NPAS3: variants seen among roughly 807,000 people sequenced by gnomAD.
The protein encoded by NPAS3 is neuronal PAS domain-containing protein 3.
NPAS3 carries 14 observed loss-of-function variants against 73.1 expected under a neutral mutation model. The ratio of observed to expected loss-of-function variants is 0.19; its 90% CI spans 0.13 to 0.30. NPAS3 has a LOEUF of 0.30. NPAS3 is among the 10% of genes least tolerant of loss of function. NPAS3 has a pLI of 1.00. For synonymous variants in NPAS3, 620 were observed against 541.5 expected, an observed-to-expected ratio of 1.14 and a Z score of -2.01; for missense variants, 1,096 against 1,250.0, an observed-to-expected ratio of 0.88 and a Z score of 1.86.
At chr14:33,204,227 G>C (rs1249506574) in intron 2 of NPAS3, among the ~76,000 whole-genome samples, 2 of 152,160 alleles carry the variant, frequency 1.3e-5, no homozygotes, top group Non-Finnish European at 2.9e-5. Context: ...GTTTCTGTGT[G>C]AAATATCATG....
intron 1 of NPAS3, among the ~76,000 whole-genome samples, chr14:33,005,986 G>C (rs566830553): frequency 1.5e-4 from 23 of 152,212 alleles, no homozygotes; most frequent in Non-Finnish European, 2.6e-4. Context: ...CCCTCCCCAT[G>C]AGCCAGCTGG....
intron 2 of NPAS3, among the ~76,000 whole-genome samples, chr14:33,058,064 A>G (rs1183979394): frequency 6.6e-6 from 1 of 152,026 alleles, no homozygotes; most frequent in Non-Finnish European, 1.5e-5. Context: ...TGTTTATTCT[A>G]TATATTTATT....
intron 4 of NPAS3, among the ~76,000 whole-genome samples, chr14:33,449,315 A>G (rs1036821681): frequency 7.2e-5 from 11 of 152,208 alleles, no homozygotes; most frequent in African/African-American, 2.7e-4. Context: ...ACTACATCCC[A>G]GGGGCCAAAT....
intron 3 of NPAS3, among the ~76,000 whole-genome samples, chr14:33,251,287 G>A (rs1484834588): frequency 6.6e-6 from 1 of 152,040 alleles, no homozygotes. Context: ...CTTTGTCTGT[G>A]AATGAGTTAA....
chr14:33,314,246 A>T (rs183839125), intron 3 of NPAS3, among the ~76,000 whole-genome samples: 1 of 152,218 alleles, frequency 6.6e-6, no homozygotes, highest in African/African-American at 2.4e-5. Flanking sequence ...ATAAATATTT[A>T]TTGTAATTTT....
chr14:33,527,872 G>T (rs895484769), intron 4 of NPAS3, among the ~76,000 whole-genome samples: 1 of 152,020 alleles, frequency 6.6e-6, no homozygotes, highest in Non-Finnish European at 1.5e-5. Context: ...CCAGAGGGTG[G>T]CAAAAATTTG....
intron 4 of NPAS3, among the ~76,000 whole-genome samples, chr14:33,393,200 A>G (rs2047080076): frequency 6.6e-6 from 1 of 152,168 alleles, no homozygotes; most frequent in Admixed American, 6.6e-5. Flanking sequence ...TGCTTGTATC[A>G]AGAGATTTAC....
chr14:33,750,257 CTAA>C (rs1278506396), intron 7 of NPAS3, among the ~76,000 whole-genome samples: 2 of 149,424 alleles, frequency 1.3e-5, no homozygotes, highest in East Asian at 3.9e-4. Context: ...CTCTGTCATT[CTAA>C]TAATAATAAT....
intron 4 of NPAS3, among the ~76,000 whole-genome samples, chr14:33,524,663 C>T (rs918849128): frequency 6.6e-6 from 1 of 152,142 alleles, no homozygotes; most frequent in Non-Finnish European, 1.5e-5. Context: ...GCTTACACAA[C>T]AGAAATGTGT....
chr14:33,506,288 A>G (rs560245921), intron 4 of NPAS3, among the ~76,000 whole-genome samples: 1 of 152,186 alleles, frequency 6.6e-6, no homozygotes, highest in Admixed American at 6.6e-5. Flanking sequence ...CTCAGTAAAT[A>G]TTTGTTAAAT....
At chr14:33,072,060 T>A (rs1186384769) in intron 2 of NPAS3, among the ~76,000 whole-genome samples, 1 of 152,102 alleles carries the variant, frequency 6.6e-6, no homozygotes, top group Non-Finnish European at 1.5e-5. Flanking sequence ...CCAGCTAATT[T>A]TTGTACTTTT....
At chr14:33,467,658 C>CTATTTTG (rs1566929159) in intron 4 of NPAS3, among the ~76,000 whole-genome samples, 1 of 152,160 alleles carries the variant, frequency 6.6e-6, no homozygotes, top group African/African-American at 2.4e-5. Context: ...ATTTTGGCCT[C>CTATTTTG]GTCTAGGCAA....
chr14:33,753,915 C>T (rs539971625), intron 7 of NPAS3, among the ~76,000 whole-genome samples: 1 of 152,224 alleles, frequency 6.6e-6, no homozygotes, highest in East Asian at 1.9e-4. Context: ...TTCCCAGTGC[C>T]AGGGGCTTAA....
chr14:33,008,874 A>G (rs1566460373), intron 1 of NPAS3, among the ~76,000 whole-genome samples: 1 of 152,146 alleles, frequency 6.6e-6, no homozygotes, highest in Admixed American at 6.5e-5. Context: ...TGTTATGGTC[A>G]GTCTGGCCTT....
chr14:33,378,132 T>G (rs79159255), intron 4 of NPAS3, among the ~76,000 whole-genome samples: 11,470 of 152,256 alleles, frequency 0.075, 477 homozygotes, highest in Middle Eastern at 0.14. Flanking sequence ...CAAATGGAGA[T>G]AGTAGCAAGT....
chr14:33,501,641 T>G (rs2052523085), intron 4 of NPAS3, among the ~76,000 whole-genome samples: 1 of 151,702 alleles, frequency 6.6e-6, no homozygotes, highest in East Asian at 2.0e-4. Context: ...TTTTTTTTTT[T>G]TTTACCTTCA....
At chr14:33,194,663 C>T (rs1007529325) in intron 2 of NPAS3, among the ~76,000 whole-genome samples, 1 of 152,030 alleles carries the variant, frequency 6.6e-6, no homozygotes, top group Admixed American at 6.6e-5. Flanking sequence ...ACAAAAAATT[C>T]GATTACGTGT....
chr14:33,691,486 G>A lies in NPAS3; in HGVS notation c.733+15101G>A, dbSNP rs562171996. Among the ~76,000 whole-genome samples, 3 of 152,086 alleles carry A rather than the reference G, an allele frequency of 2.0e-5. No individual in the cohort carries two copies. The East Asian group carries it at 5.8e-4, about 29-fold the overall frequency. On this transcript the variant is annotated intron_variant, in intron 6 of 11. Coordinates refer to ENST00000356141, the Ensembl canonical transcript of NPAS3. ...TTCATGGTCCTAAAAATCTGTCAAC[G>A]AATCTGGCTGCTCAGAGCTCATACA...
intron 6 of NPAS3, among the ~76,000 whole-genome samples, chr14:33,711,762 T>A (rs2060824839): frequency 6.6e-6 from 1 of 151,986 alleles, no homozygotes; most frequent in Admixed American, 6.6e-5. Flanking sequence ...TGAGCAGCGA[T>A]CATTAGATTC....
Sources: allele counts gnomAD v4.1 joint callset (sites outside exome capture counted in the v4.1 genomes callset), GRCh38; gene constraint gnomAD v4.1.1; transcripts MANE v1.5; gene names NCBI Gene and HGNC (gene_info 2026-07-23, HGNC 2026-07-21).